REDIC1: variants seen among roughly 807,000 people sequenced by gnomAD.
REDIC1 encodes the protein regulator of DNA class I crossover intermediates 1.
the REDIC1 span, among the ~76,000 whole-genome samples, chr12:39,907,046 A>G: frequency 0.01 from 1,558 of 152,280 alleles, 37 homozygotes; most frequent in African/African-American, 0.036. Flanking sequence ...AAATTAACCC[A>G]TAAATCAATT....
At chr12:39,811,243 G>T in the REDIC1 span, among the ~76,000 whole-genome samples, 1 of 151,874 alleles carries the variant, frequency 6.6e-6, no homozygotes, top group East Asian at 1.9e-4. Flanking sequence ...GCTTTTTATT[G>T]ATCTCTTCAA....
chr12:39,747,975 G>A, the REDIC1 span, among the ~76,000 whole-genome samples: 611 of 152,266 alleles, frequency 4.0e-3, 5 homozygotes, highest in Non-Finnish European at 3.7e-3. Flanking sequence ...GCAAAATCTT[G>A]CCAAATTGTA....
chr12:39,705,491 CCAGA>C, the REDIC1 span, among the ~76,000 whole-genome samples: 181 of 152,182 alleles, frequency 1.2e-3, 2 homozygotes, highest in Non-Finnish European at 1.9e-3. Context: ...GATACCAAAA[CCAGA>C]CAAAGACATC....
the REDIC1 span, among the ~76,000 whole-genome samples, chr12:39,752,717 G>A: frequency 1.3e-5 from 2 of 152,148 alleles, no homozygotes; most frequent in Admixed American, 6.5e-5. Flanking sequence ...ATACCAGGCA[G>A]AGACAACATC....
chr12:39,648,076 G>A, the REDIC1 span: 1 of 838,888 alleles, frequency 1.2e-6, no homozygotes, highest in Non-Finnish European at 1.7e-6. Context: ...ATTTTGAATT[G>A]CTATACATAT....
the REDIC1 span, among the ~76,000 whole-genome samples, chr12:39,825,271 G>C: frequency 6.6e-6 from 1 of 152,102 alleles, no homozygotes; most frequent in Admixed American, 6.6e-5. Context: ...TATATATGGA[G>C]AGTCAGGAGG....
chr12:39,628,902 A>C, the REDIC1 span, among the ~76,000 whole-genome samples: 2 of 152,188 alleles, frequency 1.3e-5, no homozygotes, highest in Non-Finnish European at 2.9e-5. Context: ...TAGTTCATTA[A>C]TGTTAAGTGA....
the REDIC1 span, among the ~76,000 whole-genome samples, chr12:39,727,569 T>C: frequency 6.6e-6 from 1 of 152,168 alleles, no homozygotes; most frequent in Non-Finnish European, 1.5e-5. Flanking sequence ...TAGTATAGTT[T>C]TGTCCTTTTT....
chr12:39,724,039 G>A, the REDIC1 span, among the ~76,000 whole-genome samples: 1 of 152,090 alleles, frequency 6.6e-6, no homozygotes, highest in African/African-American at 2.4e-5. Context: ...GCCAGTGCAT[G>A]ACTCATTTCC....
At chr12:39,793,708 C>T in the REDIC1 span, among the ~76,000 whole-genome samples, 4 of 152,222 alleles carry the variant, frequency 2.6e-5, no homozygotes, top group Non-Finnish European at 4.4e-5. Flanking sequence ...GAAACCGAGT[C>T]TTGGCTCTGA....
chr12:39,855,952 T>C, the REDIC1 span, among the ~76,000 whole-genome samples: 1 of 152,236 alleles, frequency 6.6e-6, no homozygotes, highest in Non-Finnish European at 1.5e-5. Context: ...AAACACTATG[T>C]GACCTGTTTT....
the REDIC1 span, among the ~76,000 whole-genome samples, chr12:39,640,464 C>T: frequency 4.0e-5 from 6 of 151,882 alleles, no homozygotes; most frequent in Non-Finnish European, 7.4e-5. Context: ...TATGAAATTT[C>T]AAGTACATAT....
the REDIC1 span, among the ~76,000 whole-genome samples, chr12:39,851,279 G>A: frequency 2.0e-5 from 3 of 152,054 alleles, no homozygotes; most frequent in Admixed American, 6.6e-5. Flanking sequence ...TTAGAAAAAC[G>A]CTACTCAGTT....
At chr12:39,776,684 G>A in the REDIC1 span, among the ~76,000 whole-genome samples, 5 of 152,196 alleles carry the variant, frequency 3.3e-5, no homozygotes, top group African/African-American at 1.2e-4. Flanking sequence ...AGTCTGCTGA[G>A]CAGTATTCTA....
chr12:39,890,611 T>G, the REDIC1 span, among the ~76,000 whole-genome samples: 1 of 152,206 alleles, frequency 6.6e-6, no homozygotes, highest in Non-Finnish European at 1.5e-5. Context: ...TGTGGGATTT[T>G]TTTCATTTTT....
chr12:39,647,795 C>A, the REDIC1 span: 3 of 1,520,164 alleles, frequency 2.0e-6, no homozygotes, highest in Non-Finnish European at 2.6e-6. Flanking sequence ...CCTATAGTCA[C>A]AAGGCATGGA....
the REDIC1 span, among the ~76,000 whole-genome samples, chr12:39,834,490 T>C: frequency 6.6e-6 from 1 of 152,030 alleles, no homozygotes; most frequent in African/African-American, 2.4e-5. Context: ...TTCAAATCTC[T>C]CCCAAAACAT....
the REDIC1 span, among the ~76,000 whole-genome samples, chr12:39,826,977 A>G: frequency 6.9e-6 from 1 of 145,706 alleles, no homozygotes; most frequent in South Asian, 2.3e-4. Flanking sequence ...GCAAAAGTTA[A>G]CTGTGGTTTT....
At chr12:39,902,969 G>T in the REDIC1 span, among the ~76,000 whole-genome samples, 1 of 152,034 alleles carries the variant, frequency 6.6e-6, no homozygotes, top group Non-Finnish European at 1.5e-5. Flanking sequence ...GGAAATGTTT[G>T]TTCATAAAAA....
Sources: gnomAD v4.1 joint callset for allele counts (sites outside exome capture counted in the v4.1 genomes callset) on GRCh38, gnomAD v4.1.1 for gene constraint, MANE v1.5 for transcripts, NCBI Gene and HGNC (gene_info 2026-07-23, HGNC 2026-07-21) for gene names.